Variants in PBX1 observed in about 807,000 individuals in gnomAD.
PBX1 encodes PBX homeobox 1, also known as pre-B-cell leukemia transcription factor 1.
PBX1 carries 6 observed loss-of-function variants against 53.4 expected under a neutral mutation model. The observed-to-expected ratio is 0.11, with a 90% CI of 0.06 to 0.22. The LOEUF is 0.22. PBX1 is among the 10% of genes least tolerant of loss of function. PBX1 has a pLI of 1.00. For synonymous variants in PBX1, 204 were observed against 212.3 expected, an observed-to-expected ratio of 0.96 and a Z score of 0.34; for missense variants, 251 against 551.4, an observed-to-expected ratio of 0.46 and a Z score of 5.46.
chr1:164,585,951 A>ACATT lies in PBX1; in HGVS notation c.265+22663_265+22666dup, dbSNP rs549700231. Among the ~76,000 whole-genome samples the ACATT allele has an allele frequency of 6.1e-3, 934 of 152,310 alleles. 12 individuals carry two copies. The highest frequency in any genetic ancestry group is 0.015 in the African/African-American group (624 of 41,560). ...ATCCTTTGAATAAGTAGTGCTTATG[A>ACATT]CATTCATTCATTCATTCATTCATTC... On this transcript the variant is annotated intron_variant, in intron 2 of 8. Transcript: ENST00000420696.
intron 2 of PBX1, among the ~76,000 whole-genome samples, chr1:164,618,297 C>CGG (rs141131624): frequency 0.013 from 227 of 17,916 alleles, 11 homozygotes; most frequent in South Asian, 0.031. Flanking sequence ...ATAATCACGG[C>CGG]GGGGGGGGGG....
intron 2 of PBX1, among the ~76,000 whole-genome samples, chr1:164,762,076 G>T (rs1458431707): frequency 6.6e-6 from 1 of 152,122 alleles, no homozygotes; most frequent in Non-Finnish European, 1.5e-5. Context: ...AACCAGCTTT[G>T]CAGTGTGACA....
At chr1:164,565,995 T>G (rs546660440) in intron 2 of PBX1, among the ~76,000 whole-genome samples, 18 of 152,286 alleles carry the variant, frequency 1.2e-4, no homozygotes, top group South Asian at 6.2e-4. Context: ...GTTCATACAT[T>G]TGGCTCACCT....
chr1:164,701,416 C>G (rs1228960227), intron 2 of PBX1, among the ~76,000 whole-genome samples: 1 of 152,210 alleles, frequency 6.6e-6, no homozygotes. Context: ...AGGGGAATTG[C>G]TGTTGTACTT....
intron 2 of PBX1, among the ~76,000 whole-genome samples, chr1:164,867,934 C>A (rs1460884244): frequency 6.6e-6 from 1 of 152,192 alleles, no homozygotes; most frequent in African/African-American, 2.4e-5. Context: ...AAAAAAAGAC[C>A]CAGCATTATC....
At chr1:164,650,938 A>T (rs1412989409) in intron 2 of PBX1, among the ~76,000 whole-genome samples, 1 of 146,278 alleles carries the variant, frequency 6.8e-6, no homozygotes, top group Non-Finnish European at 1.5e-5. Context: ...TGGTGGTTGA[A>T]AATGGGGGGA....
intron 2 of PBX1, among the ~76,000 whole-genome samples, chr1:164,707,797 G>A (rs1663527203): frequency 6.6e-6 from 1 of 152,214 alleles, no homozygotes; most frequent in Non-Finnish European, 1.5e-5. Context: ...GGTTGTCTGG[G>A]TGTTAGCCCC....
chr1:164,789,710 G>A (rs766726916), intron 2 of PBX1, among the ~76,000 whole-genome samples: 19 of 152,174 alleles, frequency 1.2e-4, no homozygotes, highest in Admixed American at 2.6e-4. Context: ...GTGTTGGGCC[G>A]CATGCAGGAC....
Position 164,775,679 on chromosome 1 carries a change from A to G in PBX1, c.266-16815A>G, listed in dbSNP as rs552278361. On this transcript the variant is annotated intron_variant, in intron 2 of 8. Transcript: ENST00000420696. ...TGCTGGCTGCACTCTCAGGATTCCC[A>G]TCCCTTTTGCGGGGTATTTTGTCCC... Among the ~76,000 whole-genome samples the G allele has an allele frequency of 1.6e-4, 24 of 152,264 alleles. No homozygotes were observed. In the South Asian group the frequency reaches 4.8e-3, roughly 30 times the overall value.
chr1:164,807,816 C>A lies in PBX1; in HGVS notation c.837+139C>A, dbSNP rs1669428541. 4.1e-6 allele frequency: 4 copies of A among 966,108 alleles called. No individual in the cohort carries two copies. The South Asian group carries it at 7.7e-5, about 19-fold the overall frequency. The allele number at this position is 966,108 out of a possible 1,614,324, so 59.8% of individuals were successfully genotyped here. On this transcript the variant is annotated intron_variant, in intron 5 of 8. Transcript: ENST00000420696. ...TATAGCCTTAAAATATCAAGGTAAG[C>A]ACTTGATGTGTATGCGTATAAGTGA...
intron 2 of PBX1, among the ~76,000 whole-genome samples, chr1:164,669,722 A>T (rs138075190): frequency 3.9e-5 from 6 of 152,052 alleles, no homozygotes; most frequent in African/African-American, 1.4e-4. Context: ...CCCTAAACAC[A>T]TGTTCACAGC....
intron 2 of PBX1, among the ~76,000 whole-genome samples, chr1:164,865,160 A>G (rs1264422604): frequency 6.6e-6 from 1 of 152,244 alleles, no homozygotes; most frequent in Non-Finnish European, 1.5e-5. Flanking sequence ...CATGATTCCC[A>G]TTCTGCAGGT....
intron 2 of PBX1, among the ~76,000 whole-genome samples, chr1:164,593,013 A>C (rs773620246): frequency 3.4e-4 from 52 of 151,506 alleles, no homozygotes; most frequent in Non-Finnish European, 5.7e-4. Context: ...GCTGGAGTGC[A>C]GTGCCGTGAT....
At chr1:164,790,467 GTGT>G (rs1668442169) in intron 2 of PBX1, among the ~76,000 whole-genome samples, 1 of 152,254 alleles carries the variant, frequency 6.6e-6, no homozygotes, top group South Asian at 2.1e-4. Context: ...TGACGTGGTA[GTGT>G]TGTGGTTTGC....
At chr1:164,870,275 T>TCCCTCCC (rs1672333447) in intron 2 of PBX1, among the ~76,000 whole-genome samples, 2 of 17,186 alleles carry the variant, frequency 1.2e-4, no homozygotes, top group East Asian at 3.2e-3. Context: ...CCTTCTTTCT[T>TCCCTCCC]TCTTTCTTTC....
chr1:164,745,654 C>A (rs1478983741), intron 2 of PBX1, among the ~76,000 whole-genome samples: 1 of 152,148 alleles, frequency 6.6e-6, no homozygotes, highest in Non-Finnish European at 1.5e-5. Flanking sequence ...CCTAGTCAAC[C>A]AGCTACAGGC....
At chr1:164,817,373 C>G (rs1286736925) in intron 6 of PBX1, 6 of 152,198 alleles carry the variant, frequency 3.9e-5, no homozygotes, top group Non-Finnish European at 4.4e-5. Flanking sequence ...ATGTCCTCCC[C>G]TTGTAGTTCA....
At chr1:164,571,873 G>GTATATA (rs59338120) in intron 2 of PBX1, among the ~76,000 whole-genome samples, 582 of 29,876 alleles carry the variant, frequency 0.019, 17 homozygotes, top group Non-Finnish European at 0.025. Flanking sequence ...TCTGTACATT[G>GTATATA]TATATATATA....
chr1:164,664,796 A>G (rs909043044), intron 2 of PBX1, among the ~76,000 whole-genome samples: 2 of 152,194 alleles, frequency 1.3e-5, no homozygotes, highest in East Asian at 1.9e-4. Context: ...GAGATTGGGC[A>G]GGGGAACTCC....
Sources: allele counts gnomAD v4.1 joint callset (sites outside exome capture counted in the v4.1 genomes callset), GRCh38; gene constraint gnomAD v4.1.1; transcripts MANE v1.5; gene names NCBI Gene and HGNC (gene_info 2026-07-23, HGNC 2026-07-21).